The following FLT1 variants were observed in gnomAD, a reference collection of about 807,000 sequenced individuals.
The protein encoded by FLT1 is fms related receptor tyrosine kinase 1.
FLT1 carries 49 observed loss-of-function variants against 156.3 expected under a neutral mutation model. The observed-to-expected ratio is 0.31, with a 90% CI of 0.25 to 0.40. The LOEUF is 0.40. Ranked by LOEUF, FLT1 falls within the 10% of genes least tolerant of loss-of-function variation. The pLI is 1.00. For missense variants in FLT1, 1,322 were observed against 1,637.2 expected (o/e 0.81, Z 3.32); for synonymous variants, 594 against 583.8 (o/e 1.02, Z -0.25).
At chr13:28,417,302 C>T (rs1242715276) in intron 10 of FLT1, among the ~76,000 whole-genome samples, 1 of 152,176 alleles carries the variant, frequency 6.6e-6, no homozygotes, top group Non-Finnish European at 1.5e-5. Flanking sequence ...ACTTTCCAAC[C>T]CGTTTGTATG....
chr13:28,343,422 C>G (rs1225544549), intron 16 of FLT1, among the ~76,000 whole-genome samples: 2 of 151,382 alleles, frequency 1.3e-5, no homozygotes, highest in African/African-American at 2.4e-5. Context: ...GCCTCAGTCT[C>G]CCCAGTAGCT....
chr13:28,386,495 G>A (rs1874372508), intron 13 of FLT1: 5 of 1,048,572 alleles, frequency 4.8e-6, no homozygotes, highest in South Asian at 4.6e-5. Context: ...GTGCTCTGAT[G>A]TACAAAAACT....
chr13:28,404,230 T>C (rs1273403417), intron 11 of FLT1, among the ~76,000 whole-genome samples: 1 of 152,214 alleles, frequency 6.6e-6, no homozygotes, highest in Admixed American at 6.5e-5. Context: ...GCTATAGTTA[T>C]AAAAACTTCC....
chr13:28,396,481 T>G (rs899700138), intron 12 of FLT1, among the ~76,000 whole-genome samples: 7 of 152,214 alleles, frequency 4.6e-5, no homozygotes, highest in Middle Eastern at 3.2e-3. Flanking sequence ...CATTAACTAT[T>G]GTTAATAAAG....
At chr13:28,471,427 C>T (rs1880171341) in intron 1 of FLT1, among the ~76,000 whole-genome samples, 1 of 152,200 alleles carries the variant, frequency 6.6e-6, no homozygotes, top group Non-Finnish European at 1.5e-5. Flanking sequence ...TAGGCCTTAA[C>T]ACATTTCTTT....
intron 25 of FLT1, among the ~76,000 whole-genome samples, chr13:28,314,049 T>A (rs1018210811): frequency 6.6e-6 from 1 of 152,090 alleles, no homozygotes; most frequent in African/African-American, 2.4e-5. Flanking sequence ...AATACAAGAA[T>A]TAGTCAAGCA....
At chr13:28,451,433 CAA>C (rs1251955247) in intron 3 of FLT1, among the ~76,000 whole-genome samples, 1 of 152,158 alleles carries the variant, frequency 6.6e-6, no homozygotes, top group Non-Finnish European at 1.5e-5. Context: ...AAAACAAAAA[CAA>C]AACAAAACAA....
intron 11 of FLT1, among the ~76,000 whole-genome samples, chr13:28,404,382 A>C (rs905518021): frequency 6.6e-6 from 1 of 152,214 alleles, no homozygotes; most frequent in Non-Finnish European, 1.5e-5. Context: ...TTATACTTTT[A>C]AGCTGTCTTT....
At chr13:28,351,394 C>G (rs917015464) in intron 15 of FLT1, among the ~76,000 whole-genome samples, 2 of 152,192 alleles carry the variant, frequency 1.3e-5, no homozygotes, top group South Asian at 4.1e-4. Flanking sequence ...AAGAAAATTA[C>G]TCAGATGCAC....
At chr13:28,338,643 AATTTGTGG>A (rs1181643744) in intron 17 of FLT1, among the ~76,000 whole-genome samples, 2 of 152,150 alleles carry the variant, frequency 1.3e-5, no homozygotes, top group African/African-American at 4.8e-5. Flanking sequence ...CAAAGTATGT[AATTTGTGG>A]ATTTGTGCAG....
chr13:28,313,380 C>T (rs867643685), intron 25 of FLT1, among the ~76,000 whole-genome samples: 2 of 152,172 alleles, frequency 1.3e-5, no homozygotes, highest in South Asian at 2.1e-4. Context: ...AAACACAGGC[C>T]AGAGGTCCAT....
At chr13:28,330,152 G>A (rs933909530) in intron 18 of FLT1, among the ~76,000 whole-genome samples, 1 of 152,236 alleles carries the variant, frequency 6.6e-6, no homozygotes, top group African/African-American at 2.4e-5. Flanking sequence ...AGGAGCACAA[G>A]GGGCCTGCCA....
At chr13:28,391,418 A>G (rs1269763960) in intron 12 of FLT1, among the ~76,000 whole-genome samples, 1 of 152,210 alleles carries the variant, frequency 6.6e-6, no homozygotes, top group Non-Finnish European at 1.5e-5. Context: ...CTCCTTTGGA[A>G]AGGCTAATCA....
Position 28,408,037 on chromosome 13 carries a change from G to A in FLT1, c.1437-2143C>T, listed in dbSNP as rs941611047. Among the ~76,000 whole-genome samples, 21 of 152,262 alleles carry A rather than the reference G, an allele frequency of 1.4e-4. No individual in the cohort carries two copies. The East Asian group carries it at 1.7e-3, about 13-fold the overall frequency. On this transcript the variant is annotated intron_variant, in intron 10 of 29. Coordinates refer to ENST00000282397, the MANE Select transcript of FLT1 (RefSeq NM_002019.4). Reference sequence around the variant, plus strand: ...ATGTGTATACCTAGATTAGACATTTGCATATGTACTTGGGATTGTGACATC... The same window carrying A: ...ATGTGTATACCTAGATTAGACATTTACATATGTACTTGGGATTGTGACATC...
intron 1 of FLT1, among the ~76,000 whole-genome samples, chr13:28,479,969 A>G (rs1880748082): frequency 6.6e-6 from 1 of 152,222 alleles, no homozygotes; most frequent in Non-Finnish European, 1.5e-5. Flanking sequence ...CCAAAGTAGA[A>G]GTTACATAAA....
At chr13:28,360,294 A>G (rs1253520960) in intron 14 of FLT1, among the ~76,000 whole-genome samples, 3 of 152,208 alleles carry the variant, frequency 2.0e-5, no homozygotes, top group Non-Finnish European at 4.4e-5. Context: ...TCAAACAACT[A>G]AAAAGAAAAC....
intron 17 of FLT1, among the ~76,000 whole-genome samples, chr13:28,338,826 CG>C (rs759482213): frequency 4.4e-4 from 67 of 152,248 alleles, no homozygotes; most frequent in Admixed American, 1.1e-3. Context: ...CTCTCTCCGC[CG>C]CCCTTCACTT....
At chr13:28,413,054 C>T (rs1036090606) in intron 10 of FLT1, among the ~76,000 whole-genome samples, 10 of 151,932 alleles carry the variant, frequency 6.6e-5, no homozygotes, top group African/African-American at 2.4e-4. Flanking sequence ...CAGTGAGAGA[C>T]CTTGTGACGC....
At chr13:28,482,025 T>C (rs1880882067) in intron 1 of FLT1, among the ~76,000 whole-genome samples, 1 of 152,200 alleles carries the variant, frequency 6.6e-6, no homozygotes, top group South Asian at 2.1e-4. Flanking sequence ...TGTTATAAAA[T>C]AAAAATCTTC....
Sources: gnomAD v4.1 joint callset for allele counts (sites outside exome capture counted in the v4.1 genomes callset) on GRCh38, gnomAD v4.1.1 for gene constraint, MANE v1.5 for transcripts, NCBI Gene and HGNC (gene_info 2026-07-23, HGNC 2026-07-21) for gene names.